The following KIAA0825 variants were observed in gnomAD, a reference collection of about 807,000 sequenced individuals.
KIAA0825 encodes uncharacterized protein KIAA0825.
Under a neutral mutation model 147.6 loss-of-function variants are expected in KIAA0825, and 119 were observed. That is an observed-to-expected ratio of 0.81 (90% CI 0.69 to 0.94). The LOEUF (loss-of-function observed/expected upper bound fraction) is 0.94, where lower values mean the gene tolerates loss of function less well. Among genes scored for constraint, KIAA0825 ranks in the 40% least tolerant of loss-of-function variants. The pLI is 0.00. For missense variants in KIAA0825, 1,381 were observed against 1,472.7 expected, an observed-to-expected ratio of 0.94 and a Z score of 1.02; for synonymous variants, 470 against 518.1, an observed-to-expected ratio of 0.91 and a Z score of 1.26.
intron 5 of KIAA0825, among the ~76,000 whole-genome samples, chr5:94,485,922 A>C (rs1373136876): frequency 6.6e-6 from 1 of 151,808 alleles, no homozygotes; most frequent in Non-Finnish European, 1.5e-5. Context: ...TTATTTGCGT[A>C]AGAACAATAC....
chr5:94,263,769 T>C (rs1322690251), intron 20 of KIAA0825, among the ~76,000 whole-genome samples: 1 of 152,158 alleles, frequency 6.6e-6, no homozygotes, highest in Non-Finnish European at 1.5e-5. Context: ...ATTCTAGTCC[T>C]CAGCATCTCC....
intron 20 of KIAA0825, among the ~76,000 whole-genome samples, chr5:94,362,963 C>T (rs42245): frequency 0.21 from 31,899 of 152,098 alleles, 3,828 homozygotes; most frequent in Non-Finnish European, 0.27. Context: ...GCTATCTATT[C>T]CGTAACTATC....
chr5:94,348,632 T>C (rs1266008474), intron 20 of KIAA0825, among the ~76,000 whole-genome samples: 1 of 152,086 alleles, frequency 6.6e-6, no homozygotes, highest in Non-Finnish European at 1.5e-5. Flanking sequence ...AGGCATTTCA[T>C]GCAAATGGAC....
intron 5 of KIAA0825, among the ~76,000 whole-genome samples, chr5:94,504,729 C>T (rs987653467): frequency 3.4e-5 from 5 of 148,710 alleles, no homozygotes; most frequent in Admixed American, 6.7e-5. Flanking sequence ...GAATTACGCC[C>T]GTGTGATTTT....
intron 20 of KIAA0825, among the ~76,000 whole-genome samples, chr5:94,348,167 A>G (rs531240272): frequency 9.9e-5 from 15 of 152,136 alleles, no homozygotes; most frequent in Non-Finnish European, 1.6e-4. Context: ...CAAACCTAAG[A>G]ATAATCAGTG....
chr5:94,464,763 A>G, intron 11 of KIAA0825, 106 bp downstream of exon 11: 1 of 902,628 alleles, frequency 1.1e-6, no homozygotes, highest in Non-Finnish European at 1.6e-6. Context: ...AGATGTTAGA[A>G]ACATGTTAAA....
Position 94,381,122 on chromosome 5 carries a change from T to A in KIAA0825, c.3710+3246A>T, listed in dbSNP as rs533861209. The stretch of plus-strand genomic sequence containing the variant: ...CTTCCAGACCTGTGGGCCTGTTGCC[T>A]GGTTTCTGATCTGATACTTTTTCTG... On this transcript the variant is annotated intron_variant, in intron 20 of 20. Coordinates refer to ENST00000682413, the MANE Select transcript of KIAA0825 (RefSeq NM_001145678.3). Among the ~76,000 whole-genome samples the A allele has an allele frequency of 4.6e-3, 697 of 152,332 alleles. 3 individuals carry two copies. Among genetic ancestry groups the A allele is most frequent in the Non-Finnish European group, 7.7e-3 (527 of 68,030 alleles).
chr5:94,589,391 A>G (rs1783931037), intron 1 of KIAA0825, among the ~76,000 whole-genome samples: 1 of 152,154 alleles, frequency 6.6e-6, no homozygotes, highest in African/African-American at 2.4e-5. Context: ...GGCTATTGAC[A>G]TTGCCTTTCC....
chr5:94,433,831 A>C (rs538596580), intron 14 of KIAA0825, among the ~76,000 whole-genome samples: 1 of 152,358 alleles, frequency 6.6e-6, no homozygotes, highest in Non-Finnish European at 1.5e-5. Flanking sequence ...AAGAAGTTTT[A>C]CTGGCAATTA....
intron 2 of KIAA0825, among the ~76,000 whole-genome samples, chr5:94,547,016 T>A (rs377727089): frequency 6.6e-6 from 1 of 151,562 alleles, no homozygotes; most frequent in African/African-American, 2.4e-5. Context: ...ACAAAGAGAT[T>A]AAAATAAAAA....
At chr5:94,478,655 T>A (rs897924700) in intron 6 of KIAA0825, among the ~76,000 whole-genome samples, 1 of 152,184 alleles carries the variant, frequency 6.6e-6, no homozygotes, top group Non-Finnish European at 1.5e-5. Context: ...TATTTTATGA[T>A]GTATTTTCAA....
At chr5:94,573,035 T>C (rs200450340) in intron 2 of KIAA0825, among the ~76,000 whole-genome samples, 1 of 150,506 alleles carries the variant, frequency 6.6e-6, no homozygotes, top group Admixed American at 6.7e-5. Flanking sequence ...TGGTTTCATA[T>C]ATTTTAGGGA....
chr5:94,256,770 T>C (rs1367861000), intron 20 of KIAA0825, among the ~76,000 whole-genome samples: 1 of 152,124 alleles, frequency 6.6e-6, no homozygotes, highest in Non-Finnish European at 1.5e-5. Context: ...CCTGAAAGTG[T>C]TGGCAAGTTC....
At chr5:94,340,739 C>A (rs1053917385) in intron 20 of KIAA0825, among the ~76,000 whole-genome samples, 2 of 152,256 alleles carry the variant, frequency 1.3e-5, no homozygotes, top group African/African-American at 4.8e-5. Context: ...GCAAGCTATA[C>A]CTGTCTAACT....
chr5:94,327,578 C>G (rs1442682211), intron 20 of KIAA0825, among the ~76,000 whole-genome samples: 3 of 152,162 alleles, frequency 2.0e-5, no homozygotes, highest in Non-Finnish European at 1.5e-5. Flanking sequence ...AAGTGGCACA[C>G]TTGACAACAA....
intron 2 of KIAA0825, among the ~76,000 whole-genome samples, chr5:94,546,381 A>G (rs1376494483): frequency 6.6e-6 from 1 of 152,058 alleles, no homozygotes; most frequent in Non-Finnish European, 1.5e-5. Context: ...ATAGGTGATA[A>G]CCAGTTAGTG....
Position 94,462,456 on chromosome 5 carries a change from A to G in KIAA0825, c.2177T>C (p.Ile726Thr). Reference protein sequence around the residue: ...HQHTDDKIFKIHTHCNNLFTT... With the variant: ...HQHTDDKIFKTHTHCNNLFTT... ...AAACAGATTATTACAATGAGTGTGAATTTTAAAAATTTTATCATCTGTATG... is the reference window on the plus strand; with the variant it reads ...AAACAGATTATTACAATGAGTGTGAGTTTTAAAAATTTTATCATCTGTATG... Residue 726 changes from isoleucine (I) to threonine (T), a missense_variant, in exon 12 of 21, where the codon ATT becomes ACT. Transcript: ENST00000682413. The G allele has an allele frequency of 6.6e-7, 1 of 1,526,420 alleles. No individual in the cohort carries two copies. The highest frequency in any genetic ancestry group is 8.9e-7 in the Non-Finnish European group (1 of 1,125,652). The allele number at this position is 1,526,420 out of a possible 1,614,324, so 94.6% of individuals were successfully genotyped here. A position where few individuals can be genotyped will look rare whatever the true frequency, so the allele number is the denominator to read the frequency against.
chr5:94,345,846 G>A (rs760138098), intron 20 of KIAA0825, among the ~76,000 whole-genome samples: 1 of 152,050 alleles, frequency 6.6e-6, no homozygotes, highest in Non-Finnish European at 1.5e-5. Context: ...AGCAATTCCT[G>A]TCCCTCTTAA....
rs1230034810 is a variant in KIAA0825, at chr5:94,484,900, T to A, written c.1001A>T (p.Asn334Ile). Residue 334 changes from asparagine (N) to isoleucine (I), a missense_variant, in exon 6 of 21, where the codon AAC becomes ATC. Transcript: ENST00000682413. ...VTTECPQKGR[N>I]FSLPLDKVEF... ...GACTTTGTCTAAAGGGAGAGAGAAG[T>A]TTCTTCCTTTCTGTGGGCATTCAGT... The A allele has an allele frequency of 6.6e-7, 1 of 1,522,198 alleles. No homozygotes were observed. The highest frequency in any genetic ancestry group is 8.9e-7 in the Non-Finnish European group (1 of 1,127,280). 94.3% of individuals were successfully genotyped at this position (1,522,198 alleles called of 1,614,324 possible).
Sources: allele counts gnomAD v4.1 joint callset (sites outside exome capture counted in the v4.1 genomes callset), GRCh38; gene constraint gnomAD v4.1.1; transcripts MANE v1.5; gene names NCBI Gene and HGNC (gene_info 2026-07-23, HGNC 2026-07-21).